The following PCDHGA4 variants were observed in gnomAD, a reference collection of about 807,000 sequenced individuals.
The protein encoded by PCDHGA4 is protocadherin gamma subfamily A, 4, also known as protocadherin gamma-A4.
In PCDHGA4, 38 loss-of-function variants were observed where a neutral mutation model predicts 54.6. That is an observed-to-expected ratio of 0.70 (90% CI 0.54 to 0.91). PCDHGA4 has a LOEUF of 0.91. Ranked by LOEUF, PCDHGA4 falls within the 40% of genes least tolerant of loss-of-function variation. The pLI is 0.00. For synonymous variants in PCDHGA4, 511 were observed against 512.9 expected, an observed-to-expected ratio of 1.00 and a Z score of 0.05; for missense variants, 1,298 against 1,220.9, an observed-to-expected ratio of 1.06 and a Z score of -0.94.
intron 1 of PCDHGA4, chr5:141,360,386 T>C: frequency 6.2e-7 from 1 of 1,613,898 alleles, no homozygotes; most frequent in Non-Finnish European, 8.5e-7. Flanking sequence ...AGCGGAGACT[T>C]ACTTGTGAGT....
At chr5:141,498,632 A>G (rs2099784830) in intron 2 of PCDHGA4, among the ~76,000 whole-genome samples, 1 of 152,118 alleles carries the variant, frequency 6.6e-6, no homozygotes, top group South Asian at 2.1e-4. Context: ...CACTGCCTAG[A>G]CAGAAGGAAG....
intron 1 of PCDHGA4, among the ~76,000 whole-genome samples, chr5:141,435,219 C>A (rs1226171884): frequency 6.6e-6 from 1 of 152,118 alleles, no homozygotes; most frequent in Non-Finnish European, 1.5e-5. Flanking sequence ...AATTTACTTT[C>A]TTTCAAAGTT....
intron 1 of PCDHGA4, chr5:141,372,829 T>C (rs1769106539): frequency 6.5e-7 from 1 of 1,550,378 alleles, no homozygotes; most frequent in Admixed American, 2.0e-5. Flanking sequence ...TTCAAACCTT[T>C]CCTTCCATAA....
At position 141,392,949 on chromosome 5, in the gene PCDHGA4, G is replaced by A. The variant is rs747367099; in HGVS notation, c.2514+35328G>A. On this transcript the variant is annotated intron_variant, in intron 1 of 3. Transcript: ENST00000571252. ...AGAGACGGACAAAGGCTCCTTCGTG[G>A]GTAATATCTCCAAGGACCTGGGGCT... The A allele has an allele frequency of 5.6e-6, 9 of 1,613,906 alleles. No homozygotes were observed. In the South Asian group the frequency reaches 8.8e-5, roughly 16 times the overall value.
chr5:141,477,878 C>T lies in PCDHGA4; in HGVS notation c.2515-16929C>T. On this transcript the variant is annotated intron_variant, in intron 1 of 3. Coordinates refer to ENST00000571252, the MANE Select transcript of PCDHGA4 (RefSeq NM_018917.4). The surrounding 1 kb of genome is among the most constrained non-coding windows in gnomAD (Gnocchi z 4.9). ...GCTGCCTCGAGGTACCTCAGCTGGC[C>T]ACCTAGTGTCACGGGTGGTAGGCTG... 2.5e-6 allele frequency: 4 copies of T among 1,614,158 alleles called. No individual in the cohort carries two copies. Among genetic ancestry groups the T allele is most frequent in the Non-Finnish European group, 3.4e-6 (4 of 1,180,008 alleles).
intron 1 of PCDHGA4, among the ~76,000 whole-genome samples, chr5:141,402,769 C>T (rs1404796973): frequency 6.6e-6 from 1 of 152,196 alleles, no homozygotes; most frequent in Non-Finnish European, 1.5e-5. Context: ...GGACTCCATC[C>T]GGATTTCCAG....
In PCDHGA4 at chr5:141,357,135, C is replaced by T; in HGVS notation, c.2028C>T (p.Val676=). 1.2e-6 allele frequency: 2 copies of T among 1,613,502 alleles called. No homozygotes were observed. Residue 676 remains valine, a synonymous_variant, in exon 1 of 4, where the codon GTC becomes GTT. Coordinates refer to ENST00000571252, the MANE Select transcript of PCDHGA4 (RefSeq NM_018917.4). The stretch of plus-strand genomic sequence containing the variant: ...CGCTCAAGCAGAGGCTTGTAGTGGT[C>T]GTCCAGGACCATGGCCAGCCCCCTC... ...RDALKQRLVV[V]VQDHGQPPLS... is the part of the protein sequence containing the mutation.
rs750036800 is a variant in PCDHGA4, at chr5:141,419,495, G to A, written c.2514+61874G>A. On this transcript the variant is annotated intron_variant, in intron 1 of 3. Coordinates refer to ENST00000571252, the MANE Select transcript of PCDHGA4 (RefSeq NM_018917.4). ...GGGCTCGCCCGCGCTCAGCGCCAAT[G>A]TGAGCCTGCGCGTGTTGGTGGGCGA... The A allele has an allele frequency of 5.0e-6, 8 of 1,612,432 alleles. No individual in the cohort carries two copies. The Admixed American group carries it at 1.3e-4, about 27-fold the overall frequency.
rs546494803 is a variant in PCDHGA4 at position 141,425,207 on chromosome 5, G to C, written c.2514+67586G>C. Among the ~76,000 whole-genome samples, 7 of 152,120 alleles carry C rather than the reference G, an allele frequency of 4.6e-5. No homozygotes were observed. In the East Asian group the frequency reaches 1.2e-3, roughly 25 times the overall value. ...TCCAAACTGAGAAAAATGATGTAAG[G>C]CATTGTACTTTGACTGGAATTAGTT... On this transcript the variant is annotated intron_variant, in intron 1 of 3. Transcript: ENST00000571252.
chr5:141,466,203 C>G (rs1291051063), intron 1 of PCDHGA4, among the ~76,000 whole-genome samples: 1 of 151,914 alleles, frequency 6.6e-6, no homozygotes, highest in Non-Finnish European at 1.5e-5. Context: ...CACAGCCTTG[C>G]TCTGTTACCC....
chr5:141,372,007 G>T, intron 1 of PCDHGA4: 3 of 1,613,298 alleles, frequency 1.9e-6, no homozygotes, highest in Non-Finnish European at 2.5e-6. Flanking sequence ...CGCGACCAGG[G>T]CTCGCCTACG....
At position 141,485,562 on chromosome 5, in the gene PCDHGA4, C is replaced by T. The variant is rs779890454; in HGVS notation, c.2515-9245C>T. 2.5e-6 allele frequency: 4 copies of T among 1,612,910 alleles called. No homozygotes were observed. Among genetic ancestry groups the T allele is most frequent in the Admixed American group, 1.7e-5 (1 of 59,996 alleles). On this transcript the variant is annotated intron_variant, in intron 1 of 3. Transcript: ENST00000571252. The surrounding 1 kb of genome is among the most constrained non-coding windows in gnomAD (Gnocchi z 5.7). ...GAGATCGTAGATGTGAATGATCACG[C>T]CCCCCGTTTTCCGCGGCAGCAGCTG... is the stretch of plus-strand genomic sequence containing the variant.
At chr5:141,399,684 G>T in intron 1 of PCDHGA4, 1 of 1,613,538 alleles carries the variant, frequency 6.2e-7, no homozygotes, top group Non-Finnish European at 8.5e-7. Context: ...TTGACTACGA[G>T]CAGCTGCGCA....
intron 1 of PCDHGA4, chr5:141,415,281 C>T (rs1321418691): frequency 6.2e-7 from 1 of 1,614,080 alleles, no homozygotes; most frequent in African/African-American, 1.3e-5. Context: ...TAGCGGTGGC[C>T]GCGGTCTCCT....
In PCDHGA4 at chr5:141,379,889, C is replaced by CTTTTTTTTT. The variant is rs70988800; in HGVS notation, c.2514+22290_2514+22298dup. ...CTTATTTTATGGTCTGTGAAAGCCT[C>CTTTTTTTTT]TTTTTTTTTTTTTTTTTTTTTTTTT... is the stretch of plus-strand genomic sequence containing the variant. On this transcript the variant is annotated intron_variant, in intron 1 of 3. Transcript: ENST00000571252. Among the ~76,000 whole-genome samples the CTTTTTTTTT allele has an allele frequency of 5.8e-3, 297 of 50,818 alleles. 50 individuals are homozygous for CTTTTTTTTT. Among genetic ancestry groups the CTTTTTTTTT allele is most frequent in the African/African-American group, 9.2e-3 (138 of 15,074 alleles). The allele number at this position is 50,818 out of a possible 152,430, so 33.3% of individuals were successfully genotyped here.
intron 1 of PCDHGA4, chr5:141,427,995 G>T (rs1292989797): frequency 6.3e-7 from 1 of 1,599,590 alleles, no homozygotes; most frequent in Non-Finnish European, 8.6e-7. Flanking sequence ...CGATGGCTCC[G>T]CACTCTTCGA....
At position 141,512,523 on chromosome 5, in the gene PCDHGA4, T is replaced by A. The variant is rs1222752176; in HGVS notation, c.*1350T>A. 6.5e-6 allele frequency: 1 copy of A among 152,848 alleles called. No homozygotes were observed. The highest frequency in any genetic ancestry group is 1.5e-5 in the Non-Finnish European group (1 of 68,240). 9.5% of individuals were successfully genotyped at this position (152,848 alleles called of 1,614,324 possible). A position where few individuals can be genotyped will look rare whatever the true frequency, so the allele number is the denominator to read the frequency against. The stretch of plus-strand genomic sequence containing the variant: ...AGTGCGCCCCCTAGTGGCCATAGCC[T>A]GGTTAAAGTTCCCCAGTGCCTCCTT... On this transcript the variant is annotated 3_prime_UTR_variant, in exon 4 of 4. Transcript: ENST00000571252.
In PCDHGA4 at chr5:141,477,147, A is replaced by G. The variant is rs1195888163; in HGVS notation, c.2515-17660A>G. On this transcript the variant is annotated intron_variant, in intron 1 of 3. Coordinates refer to ENST00000571252, the MANE Select transcript of PCDHGA4 (RefSeq NM_018917.4). The surrounding 1 kb of genome is among the most constrained non-coding windows in gnomAD (Gnocchi z 4.9). The stretch of plus-strand genomic sequence containing the variant: ...TGCAAAGTGTTGGTGGAGGTTGTGG[A>G]TGTGAATGACAACGCCCCGGAGATC... 2 of 1,614,168 alleles carry G rather than the reference A, an allele frequency of 1.2e-6. No individual in the cohort carries two copies. The highest frequency in any genetic ancestry group is 1.1e-5 in the South Asian group (1 of 91,080).
intron 1 of PCDHGA4, among the ~76,000 whole-genome samples, chr5:141,456,702 C>A (rs1185842343): frequency 6.6e-6 from 1 of 152,062 alleles, no homozygotes; most frequent in African/African-American, 2.4e-5. Flanking sequence ...TGGTGGCTCG[C>A]GCCTGTAATC....
Sources: allele counts gnomAD v4.1 joint callset (sites outside exome capture counted in the v4.1 genomes callset), GRCh38; gene constraint gnomAD v4.1.1; non-coding constraint Gnocchi (gnomAD v3.1); transcripts MANE v1.5; gene names NCBI Gene and HGNC (gene_info 2026-07-23, HGNC 2026-07-21).